Variants in SYNE1 observed in about 807,000 individuals in gnomAD.
SYNE1 encodes the protein spectrin repeat containing nuclear envelope protein 1.
Under a neutral mutation model 1,111.0 loss-of-function variants are expected in SYNE1, and 616 were observed. The observed-to-expected ratio is 0.55, with a 90% CI of 0.52 to 0.59. The LOEUF (loss-of-function observed/expected upper bound fraction) is 0.59, where lower values mean the gene tolerates loss of function less well. Ranked by LOEUF, SYNE1 falls within the 20% of genes least tolerant of loss-of-function variation. SYNE1 has a pLI of 0.00. For missense variants in SYNE1, 10,006 were observed against 10,417.0 expected, an observed-to-expected ratio of 0.96 and a Z score of 1.72; for synonymous variants, 3,855 against 3,825.8, an observed-to-expected ratio of 1.01 and a Z score of -0.28.
chr6:152,484,038 C>CAAAAAAAAAAAAAAAAAAA lies in SYNE1; in HGVS notation c.1185+778_1186-790dup, dbSNP rs773019397. On this transcript the variant is annotated intron_variant, in intron 13 of 145. Transcript: ENST00000367255. Reference sequence around the variant, plus strand: ...GCAATATAGTGAGATCTCATCTCTACAAAAAAAAAAAAAAAAAAAAAAAAT... The same window carrying CAAAAAAAAAAAAAAAAAAA: ...GCAATATAGTGAGATCTCATCTCTACAAAAAAAAAAAAAAAAAAAAAAAAAAAAAAAAAAAAAAAAAAAT... 2.2e-4 allele frequency among the ~76,000 whole-genome samples: 12 copies of CAAAAAAAAAAAAAAAAAAA among 53,506 alleles called. 2 individuals carry two copies. The highest frequency in any genetic ancestry group is 4.5e-4 in the Non-Finnish European group (11 of 24,682). The allele number at this position is 53,506 out of a possible 152,430, so 35.1% of individuals were successfully genotyped here. A position where few individuals can be genotyped will look rare whatever the true frequency, so the allele number is the denominator to read the frequency against.
chr6:152,371,932 G>A (rs1276327034), intron 59 of SYNE1, among the ~76,000 whole-genome samples: 8 of 113,922 alleles, frequency 7.0e-5, no homozygotes, highest in East Asian at 2.4e-4. Flanking sequence ...GGACAGGACA[G>A]GACAGGAAAG....
chr6:152,471,518 TAAC>T (rs766744900), intron 16 of SYNE1, 76 bp downstream of exon 16: 19 of 1,392,836 alleles, frequency 1.4e-5, no homozygotes, highest in Admixed American at 1.7e-5. Flanking sequence ...AGAATTAAAA[TAAC>T]AACATCAAAG....
intron 120 of SYNE1, 34 bp from the exon 121 acceptor site, chr6:152,218,437 T>A (rs2079278147): frequency 2.8e-6 from 4 of 1,452,448 alleles, no homozygotes; most frequent in African/African-American, 2.9e-5. Flanking sequence ...GTATTTCAGT[T>A]AAAAAAAAAA....
At chr6:152,622,734 C>T (rs1274267156) in intron 3 of SYNE1, among the ~76,000 whole-genome samples, 1 of 152,044 alleles carries the variant, frequency 6.6e-6, no homozygotes, top group East Asian at 1.9e-4. Context: ...CATATGAGTG[C>T]ATGTTTCTTT....
intron 66 of SYNE1, among the ~76,000 whole-genome samples, chr6:152,356,827 T>A (rs2096847364): frequency 6.6e-6 from 1 of 152,146 alleles, no homozygotes; most frequent in Non-Finnish European, 1.5e-5. Context: ...GAGGTTAGGT[T>A]TGCACCACAC....
intron 11 of SYNE1, among the ~76,000 whole-genome samples, chr6:152,496,243 G>A (rs1443203248): frequency 1.3e-5 from 2 of 151,842 alleles, no homozygotes; most frequent in East Asian, 1.9e-4. Flanking sequence ...AATAGGCCTC[G>A]ACTTACTGCT....
At chr6:152,515,397 G>T (rs558420338) in intron 6 of SYNE1, among the ~76,000 whole-genome samples, 1 of 151,932 alleles carries the variant, frequency 6.6e-6, no homozygotes, top group Non-Finnish European at 1.5e-5. Context: ...GAGGTATCAG[G>T]TACCTCATTC....
intron 3 of SYNE1, among the ~76,000 whole-genome samples, chr6:152,604,629 T>C (rs2099606478): frequency 6.6e-6 from 1 of 151,958 alleles, no homozygotes. Context: ...TGGAAAAAAG[T>C]TATAGAAATC....
intron 3 of SYNE1, among the ~76,000 whole-genome samples, chr6:152,595,618 T>G (rs2099578842): frequency 6.6e-6 from 1 of 152,222 alleles, no homozygotes; most frequent in African/African-American, 2.4e-5. Flanking sequence ...TATTCCAAAC[T>G]GCCTTGCCAG....
intron 130 of SYNE1, among the ~76,000 whole-genome samples, chr6:152,173,793 A>T (rs2065763236): frequency 6.6e-6 from 1 of 152,222 alleles, no homozygotes; most frequent in African/African-American, 2.4e-5. Context: ...CTGAGGCTTT[A>T]TGTAAGAGGA....
At chr6:152,304,046 T>C (rs2095295969) in intron 91 of SYNE1, among the ~76,000 whole-genome samples, 1 of 152,196 alleles carries the variant, frequency 6.6e-6, no homozygotes, top group Non-Finnish European at 1.5e-5. Flanking sequence ...CCTAATAGTA[T>C]AGGAATTTTT....
In SYNE1 at chr6:152,221,007, CT is replaced by C. The variant is rs1562281302; in HGVS notation, c.21695del (p.Gln7232ArgfsTer35). The C allele has an allele frequency of 6.2e-7, 1 of 1,614,148 alleles. No homozygotes were observed. The highest frequency in any genetic ancestry group is 2.2e-5 in the East Asian group (1 of 44,884). On this transcript the variant is annotated frameshift_variant, in exon 119 of 146. Transcript: ENST00000367255. LOFTEE classifies it high-confidence loss of function. ...AAAGCTGAAGTAGGGCCTTGCTGGACTGTAGCTGCTCAGCAATCTCTTCCAG... is the reference window on the plus strand; with the variant it reads ...AAAGCTGAAGTAGGGCCTTGCTGGACGTAGCTGCTCAGCAATCTCTTCCAG... Reference protein sequence around the residue: ...NLLEEIAEQLQSSKALLQLWQ... With the variant: ...NLLEEIAEQLXSSKALLQLWQ...
At chr6:152,163,463 C>T (rs566054408) in intron 131 of SYNE1, among the ~76,000 whole-genome samples, 1 of 145,244 alleles carries the variant, frequency 6.9e-6, no homozygotes, top group South Asian at 2.2e-4. Context: ...CGCACTACTA[C>T]ACTCCAGCCT....
chr6:152,232,287 C>A (rs1399752691), intron 112 of SYNE1, 22 bp from the exon 113 acceptor site: 3 of 1,613,400 alleles, frequency 1.9e-6, no homozygotes, highest in Non-Finnish European at 2.5e-6. Context: ...AGGGAGAGAA[C>A]CAGTCCCAAG....
intron 51 of SYNE1, among the ~76,000 whole-genome samples, chr6:152,394,447 C>T (rs929525237): frequency 8.5e-5 from 13 of 152,204 alleles, no homozygotes; most frequent in African/African-American, 2.7e-4. Flanking sequence ...CCAAGCTGCA[C>T]TTCCCTGTGG....
intron 3 of SYNE1, among the ~76,000 whole-genome samples, chr6:152,568,974 G>C (rs1168757134): frequency 6.6e-6 from 1 of 152,144 alleles, no homozygotes; most frequent in Non-Finnish European, 1.5e-5. Context: ...GCTGTAATAA[G>C]TTGCCATTTT....
chr6:152,122,653 G>C lies in SYNE1; in HGVS notation c.26177C>G (p.Ser8726Cys). ...HSRSTKGGSD[S>C]SLSEPGPGRS... Reference sequence around the variant, plus strand: ...ACCTGGCCCTGGCTCAGAAAGGGAGGAATCGGAGCCACCTTTTGTGGACCT... The same window carrying C: ...ACCTGGCCCTGGCTCAGAAAGGGAGCAATCGGAGCCACCTTTTGTGGACCT... The change falls in exon 146 of 146, where the codon TCC becomes TGC. Residue 8726 changes from serine (S) to cysteine (C), a missense_variant. By Grantham distance (112) the Ser-to-Cys change is moderately radical. This residue lies in a region of SYNE1 where 761 missense variants were observed against 795.5 expected (regional missense o/e 0.96). Transcript: ENST00000367255. The C allele has an allele frequency of 6.2e-7, 1 of 1,614,028 alleles. No homozygotes were observed.
At chr6:152,305,396 G>T (rs1251050114) in intron 91 of SYNE1, among the ~76,000 whole-genome samples, 1 of 152,052 alleles carries the variant, frequency 6.6e-6, no homozygotes, top group Non-Finnish European at 1.5e-5. Flanking sequence ...CTCCCGAGTA[G>T]CTGAGACTAC....
chr6:152,312,039 C>T (rs1358667307), intron 87 of SYNE1, among the ~76,000 whole-genome samples: 1 of 152,186 alleles, frequency 6.6e-6, no homozygotes, highest in Admixed American at 6.5e-5. Context: ...AGGCCTTGGC[C>T]TCCCAAAATG....
Sources: allele counts gnomAD v4.1 joint callset (sites outside exome capture counted in the v4.1 genomes callset), GRCh38; gene constraint gnomAD v4.1.1; regional missense constraint gnomAD v4.1.1; transcripts MANE v1.5; gene names NCBI Gene and HGNC (gene_info 2026-07-23, HGNC 2026-07-21).